The following C2CD5 variants were observed in gnomAD, a reference collection of about 807,000 sequenced individuals.
C2CD5 encodes C2 domain-containing protein 5.
C2CD5 carries 109 observed loss-of-function variants against 130.3 expected under a neutral mutation model. That is an observed-to-expected ratio of 0.84 (90% CI 0.72 to 0.98). C2CD5 has a LOEUF of 0.98. Ranked by LOEUF, C2CD5 falls within the 50% of genes least tolerant of loss-of-function variation. C2CD5 has a pLI of 0.00. For synonymous variants in C2CD5, 454 were observed against 429.2 expected (o/e 1.06, Z -0.71); for missense variants, 996 against 1,261.8 (o/e 0.79, Z 3.19).
intron 8 of C2CD5, among the ~76,000 whole-genome samples, chr12:22,514,517 T>A (rs2136897274): frequency 6.6e-6 from 1 of 151,778 alleles, no homozygotes; most frequent in East Asian, 1.9e-4. Flanking sequence ...AGCAGAAAAA[T>A]TTAATAATTA....
At chr12:22,459,716 T>C (rs763435858) in intron 22 of C2CD5, among the ~76,000 whole-genome samples, 174 bp from the exon 23 acceptor site, 4 of 152,220 alleles carry the variant, frequency 2.6e-5, no homozygotes, top group Non-Finnish European at 5.9e-5. Flanking sequence ...TTTCTATTGA[T>C]AAATGAAAAC....
chr12:22,516,076 C>T (rs1949690236), intron 8 of C2CD5, among the ~76,000 whole-genome samples: 1 of 150,732 alleles, frequency 6.6e-6, no homozygotes, highest in African/African-American at 2.4e-5. Context: ...CTTTCTCAGT[C>T]TAAATGTTAT....
At chr12:22,531,029 TG>T (rs1237696740) in intron 3 of C2CD5, among the ~76,000 whole-genome samples, 2 of 152,016 alleles carry the variant, frequency 1.3e-5, no homozygotes, top group African/African-American at 4.8e-5. Context: ...AGGTTATAGT[TG>T]GGGGGGAAAG....
intron 15 of C2CD5, 60 bp downstream of exon 15, chr12:22,478,253 C>G (rs1380843435): frequency 3.5e-6 from 5 of 1,419,196 alleles, no homozygotes; most frequent in Non-Finnish European, 5.0e-6. Flanking sequence ...ATAAGATAAC[C>G]TAAAAATATA....
chr12:22,515,375 A>G (rs1290686685), intron 8 of C2CD5, among the ~76,000 whole-genome samples: 1 of 152,208 alleles, frequency 6.6e-6, no homozygotes, highest in African/African-American at 2.4e-5. Flanking sequence ...CAAACTTCAC[A>G]TTCATTAAAA....
chr12:22,476,363 A>G (rs1390745160), intron 15 of C2CD5, among the ~76,000 whole-genome samples: 1 of 152,150 alleles, frequency 6.6e-6, no homozygotes, highest in Non-Finnish European at 1.5e-5. Context: ...AGATTATGCT[A>G]AAAGACTATA....
rs1389655567 is a variant in C2CD5 at position 22,506,753 on chromosome 12, TA to T, written c.1104del (p.Ser369ValfsTer5). 6.2e-7 allele frequency: 1 copy of T among 1,610,210 alleles called. No individual in the cohort carries two copies. Among genetic ancestry groups the T allele is most frequent in the Non-Finnish European group, 8.5e-7 (1 of 1,176,646 alleles). ...PGFLVHVGGV[V>X]SARSVKLLDR... Reference sequence around the variant, plus strand: ...TCCAAAAGCTTCACAGAACGTGCACTAACTACACCCCCAACGTGTACAAGGA... The same window carrying T: ...TCCAAAAGCTTCACAGAACGTGCACTACTACACCCCCAACGTGTACAAGGA... On this transcript the variant is annotated frameshift_variant, in exon 10 of 27. Coordinates refer to ENST00000446597, the MANE Select transcript of C2CD5 (RefSeq NM_001286176.2). LOFTEE classifies it high-confidence loss of function.
chr12:22,459,412 T>G lies in C2CD5; in HGVS notation c.2584+80A>C, dbSNP rs1940649512. On this transcript the variant is annotated intron_variant, in intron 23 of 26. Transcript: ENST00000446597. ...ATTCCATATTGTCCAGTGCATTTTC[T>G]TCAATGTCTATAATTTTATGCACCA... is the stretch of plus-strand genomic sequence containing the variant. The G allele has an allele frequency of 6.6e-6, 6 of 909,792 alleles. No homozygotes were observed. In the Admixed American group the frequency reaches 1.2e-4, roughly 19 times the overall value. 56.4% of individuals were successfully genotyped at this position (909,792 alleles called of 1,614,324 possible). A position where few individuals can be genotyped will look rare whatever the true frequency, so the allele number is the denominator to read the frequency against.
chr12:22,484,108 G>A (rs1591793849), intron 13 of C2CD5, among the ~76,000 whole-genome samples: 1 of 152,070 alleles, frequency 6.6e-6, no homozygotes, highest in East Asian at 1.9e-4. Flanking sequence ...CATAAAGGTA[G>A]GAAAACATAG....
intron 10 of C2CD5, chr12:22,497,568 T>C: frequency 2.2e-6 from 2 of 925,724 alleles, no homozygotes; most frequent in Non-Finnish European, 2.6e-6. Flanking sequence ...AAAAGCTATA[T>C]TCCCAAATAC....
intron 19 of C2CD5, 94 bp from the exon 20 acceptor site, chr12:22,471,582 G>A (rs576083948): frequency 3.3e-6 from 2 of 602,378 alleles, no homozygotes; most frequent in Admixed American, 6.7e-5. Flanking sequence ...AGCAAATGGA[G>A]AGTTAAAAAT....
At chr12:22,491,190 T>C (rs1358942368) in intron 11 of C2CD5, among the ~76,000 whole-genome samples, 1 of 152,212 alleles carries the variant, frequency 6.6e-6, no homozygotes, top group Non-Finnish European at 1.5e-5. Context: ...AGAAAGGACC[T>C]CTGTCAGATG....
At position 22,523,620 on chromosome 12, in the gene C2CD5, C is replaced by T. The variant is rs753652025; in HGVS notation, c.606G>A (p.Glu202=). ...RQRLISLMSG[E]LQRKIGLKVL... ...CTTTCAAGCCAATCTTCCTCTGCAG[C>T]TCACCTACAAAACATGGGAAATCTC... Residue 202 remains glutamate (E), a synonymous_variant, in exon 7 of 27, where the codon GAG becomes GAA. Transcript: ENST00000446597. The T allele has an allele frequency of 2.5e-6, 4 of 1,611,594 alleles. No homozygotes were observed. The highest frequency in any genetic ancestry group is 3.4e-6 in the Non-Finnish European group (4 of 1,178,924).
intron 1 of C2CD5, 64 bp downstream of exon 1, chr12:22,544,256 C>T (rs1294583219): frequency 1.8e-6 from 2 of 1,137,260 alleles, no homozygotes; most frequent in Admixed American, 2.8e-5. Flanking sequence ...GGGTAACTGA[C>T]AGCGAAGGAG....
rs147476798 is a variant in C2CD5 at position 22,540,557 on chromosome 12, A to C, written c.90+3504T>G. Among the ~76,000 whole-genome samples the C allele has an allele frequency of 2.8e-3, 422 of 152,314 alleles. 9 individuals carry two copies. In the East Asian group the frequency reaches 0.051, roughly 18 times the overall value. On this transcript the variant is annotated intron_variant, in intron 2 of 26. Transcript: ENST00000446597. Reference sequence around the variant, plus strand: ...ATTATGGTCATGAAAAAGTACTTCCATATTAAAATAATAACAACAGGCCAG... The same window carrying C: ...ATTATGGTCATGAAAAAGTACTTCCCTATTAAAATAATAACAACAGGCCAG...
At chr12:22,512,253 C>T (rs1385701769) in intron 9 of C2CD5, among the ~76,000 whole-genome samples, 2 of 152,176 alleles carry the variant, frequency 1.3e-5, no homozygotes, top group Non-Finnish European at 2.9e-5. Flanking sequence ...ATAAATCGTA[C>T]CAACCTCTAG....
intron 26 of C2CD5, among the ~76,000 whole-genome samples, chr12:22,452,614 T>C (rs1734707662): frequency 6.6e-6 from 1 of 152,132 alleles, no homozygotes; most frequent in Non-Finnish European, 1.5e-5. Flanking sequence ...CAGAAGGTTG[T>C]CTCATAGTTT....
chr12:22,465,717 A>T (rs1230183940), intron 22 of C2CD5, among the ~76,000 whole-genome samples: 1 of 152,102 alleles, frequency 6.6e-6, no homozygotes, highest in African/African-American at 2.4e-5. Flanking sequence ...TTTCAGAGAA[A>T]AACTCAGGTT....
chr12:22,478,305 T>G lies in C2CD5; in HGVS notation c.1902+8A>C. ...GATACATTCACAATGTAGGTTTGTT[T>G]TACTTACTGGAGGATTGATTTCATA... On this transcript the variant is annotated splice_region_variant and intron_variant, in intron 15 of 26. Coordinates refer to ENST00000446597, the MANE Select transcript of C2CD5 (RefSeq NM_001286176.2). 1 of 1,603,480 alleles carries G rather than the reference T, an allele frequency of 6.2e-7. No homozygotes were observed. The highest frequency in any genetic ancestry group is 8.5e-7 in the Non-Finnish European group (1 of 1,170,616).
Sources: gnomAD v4.1 joint callset for allele counts (sites outside exome capture counted in the v4.1 genomes callset) on GRCh38, gnomAD v4.1.1 for gene constraint, MANE v1.5 for transcripts, NCBI Gene and HGNC (gene_info 2026-07-23, HGNC 2026-07-21) for gene names.